Variants in ADAMTS8 observed in about 807,000 individuals in gnomAD.
ADAMTS8 encodes the protein ADAM metallopeptidase with thrombospondin type 1 motif 8, also known as A disintegrin and metalloproteinase with thrombospondin motifs 8.
A neutral mutation model predicts 64.4 loss-of-function variants in ADAMTS8; 50 were observed. The ratio of observed to expected loss-of-function variants is 0.78; its 90% CI spans 0.62 to 0.98. The LOEUF is 0.98. ADAMTS8 is among the 50% of genes least tolerant of loss of function. ADAMTS8 has a pLI of 0.00. For synonymous variants in ADAMTS8, 556 were observed against 533.6 expected (o/e 1.04, Z -0.58); for missense variants, 1,192 against 1,208.2 (o/e 0.99, Z 0.20).
At chr11:130,422,579 G>C (rs528866147) in intron 1 of ADAMTS8, among the ~76,000 whole-genome samples, 1 of 152,228 alleles carries the variant, frequency 6.6e-6, no homozygotes, top group South Asian at 2.1e-4. Context: ...TCTAGGGCCT[G>C]AGACTGAGCT....
At chr11:130,426,935 C>A (rs967229710) in intron 1 of ADAMTS8, among the ~76,000 whole-genome samples, 13 of 152,252 alleles carry the variant, frequency 8.5e-5, no homozygotes, top group Admixed American at 2.6e-4. Context: ...GCTGGCATTG[C>A]CAAGTTCTGC....
At chr11:130,423,769 C>T (rs898579126) in intron 1 of ADAMTS8, among the ~76,000 whole-genome samples, 39 of 152,346 alleles carry the variant, frequency 2.6e-4, no homozygotes, top group African/African-American at 9.1e-4. Context: ...GTGGGCACTG[C>T]CATGCTGCCC....
intron 1 of ADAMTS8, 93 bp downstream of exon 1, chr11:130,427,474 T>A: frequency 2.5e-6 from 2 of 811,468 alleles, no homozygotes; most frequent in Non-Finnish European, 3.4e-6. Flanking sequence ...TTTTTTTTTT[T>A]CTCAGAGGGA....
intron 2 of ADAMTS8, among the ~76,000 whole-genome samples, chr11:130,418,349 C>T (rs573041199): frequency 1.3e-5 from 2 of 150,704 alleles, no homozygotes; most frequent in African/African-American, 2.5e-5. Context: ...GGGCTGGCTG[C>T]ATCCTAGGGC....
rs1168168219 is a variant in ADAMTS8 at position 130,416,936 on chromosome 11, T to C, written c.1096+4A>G. ...GAAGTGGGCTTTGGCACAGCAAATC[T>C]TACCTAGTTCATGGGCCAGGGTGTG... On this transcript the variant is annotated splice_donor_region_variant and intron_variant, in intron 3 of 8. Coordinates refer to ENST00000257359, the MANE Select transcript of ADAMTS8 (RefSeq NM_007037.6). The surrounding 1 kb of genome is among the most constrained non-coding windows in gnomAD (Gnocchi z 4.8). 6.2e-7 allele frequency: 1 copy of C among 1,614,098 alleles called. No homozygotes were observed. Among genetic ancestry groups the C allele is most frequent in the African/African-American group, 1.3e-5 (1 of 75,064 alleles).
rs1334423902 is a variant in ADAMTS8, at chr11:130,419,255, A to T, written c.758T>A (p.Ile253Asn). The T allele has an allele frequency of 6.2e-7, 1 of 1,613,966 alleles. No individual in the cohort carries two copies. The highest frequency in any genetic ancestry group is 8.5e-7 in the Non-Finnish European group (1 of 1,180,026). ...ATTCTTGATGCTGGGGTGCTTGTAG[A>T]TTCGGGCTGCCACAGACATTAACGT... ...ILTLMSVAARIYKHPSIKNSI... is the reference protein window; with the variant it reads ...ILTLMSVAARNYKHPSIKNSI... Residue 253 changes from isoleucine to asparagine, a missense_variant, in exon 2 of 9, where the codon ATC (isoleucine) becomes AAC (asparagine). This residue lies in a region of ADAMTS8 where 741 missense variants were observed against 710.6 expected (regional missense o/e 1.04). Transcript: ENST00000257359.
chr11:130,406,543 C>T (rs1182592047), intron 8 of ADAMTS8, among the ~76,000 whole-genome samples: 1 of 152,118 alleles, frequency 6.6e-6, no homozygotes, highest in Non-Finnish European at 1.5e-5. Context: ...ACCCAGAGCT[C>T]AAACCCACAT....
At chr11:130,426,148 T>G (rs1862164055) in intron 1 of ADAMTS8, among the ~76,000 whole-genome samples, 1 of 152,224 alleles carries the variant, frequency 6.6e-6, no homozygotes, top group Non-Finnish European at 1.5e-5. Flanking sequence ...CACAAGGGCT[T>G]GCAGGGGTGC....
In ADAMTS8 at chr11:130,419,043, A is replaced by G; in HGVS notation, c.960+10T>C. The G allele has an allele frequency of 5.0e-6, 8 of 1,613,814 alleles. No homozygotes were observed. Among genetic ancestry groups the G allele is most frequent in the Non-Finnish European group, 6.8e-6 (8 of 1,179,906 alleles). On this transcript the variant is annotated intron_variant, in intron 2 of 8. Coordinates refer to ENST00000257359, the MANE Select transcript of ADAMTS8 (RefSeq NM_007037.6). ...CTTCCTCCCCAGGGCTTCCGGAGCC[A>G]GGCACGGACCTGTCTGGTGAGCAGG...
rs201797398 is a variant in ADAMTS8 at position 130,411,418 on chromosome 11, G to A, written c.1749C>T (p.Asp583=). 765 of 1,613,620 alleles carry A rather than the reference G, an allele frequency of 4.7e-4. 1 individual carries two copies. Among genetic ancestry groups the A allele is most frequent in the Middle Eastern group, 9.9e-4 (6 of 6,060 alleles). Residue 583 remains aspartate (D), a splice_region_variant and synonymous_variant, in exon 6 of 9, where the codon GAC becomes GAT. Transcript: ENST00000257359. The surrounding 1 kb of genome is among the most constrained non-coding windows in gnomAD (Gnocchi z 4.2). ...QSCHTEECPP[D]GKSFREQQCE... is the part of the protein sequence containing the mutation. ...GGGGCGGCCCTGAGTGGTAATTACC[G>A]TCAGGGGGGCATTCCTCCGTGTGGC...
At chr11:130,406,264 C>G in intron 8 of ADAMTS8, 136 bp from the exon 9 acceptor site, 1 of 1,073,010 alleles carries the variant, frequency 9.3e-7, no homozygotes, top group Non-Finnish European at 1.3e-6. Flanking sequence ...CAAGTTGCCT[C>G]AAAGTTCTCA....
Position 130,414,642 on chromosome 11 carries a change from C to T in ADAMTS8, c.1455G>A (p.Leu485=), listed in dbSNP as rs1385687057. ...GCAGGCTGCCATTCTTCGTGTGGCA[C>T]AGGGGCTCAGCCCCATCAGTGTGGC... ...LWCHTDGAEP[L]CHTKNGSLPW... Residue 485 remains leucine, a synonymous_variant, in exon 5 of 9, where the codon CTG becomes CTA. Transcript: ENST00000257359. The T allele has an allele frequency of 6.2e-7, 1 of 1,613,746 alleles. No individual in the cohort carries two copies. The highest frequency in any genetic ancestry group is 8.5e-7 in the Non-Finnish European group (1 of 1,180,040).
Position 130,405,532 on chromosome 11 carries a change from A to C in ADAMTS8, c.*26T>G. ...ACCTCAGTACCGCATGTCCAGGAGCACAAGACTGGCCCCTGCCCCCCTGAA... is the reference window on the plus strand; with the variant it reads ...ACCTCAGTACCGCATGTCCAGGAGCCCAAGACTGGCCCCTGCCCCCCTGAA... On this transcript the variant is annotated 3_prime_UTR_variant, in exon 9 of 9. Coordinates refer to ENST00000257359, the MANE Select transcript of ADAMTS8 (RefSeq NM_007037.6). 2 of 1,567,336 alleles carry C rather than the reference A, an allele frequency of 1.3e-6. No individual in the cohort carries two copies. Among genetic ancestry groups the C allele is most frequent in the East Asian group, 2.3e-5 (1 of 44,374 alleles).
In ADAMTS8 at chr11:130,416,787, G is replaced by A. The variant is rs114352422; in HGVS notation, c.1096+153C>T. Among the ~76,000 whole-genome samples, 198 of 152,280 alleles carry A rather than the reference G, an allele frequency of 1.3e-3. No individual in the cohort carries two copies. Among genetic ancestry groups the A allele is most frequent in the African/African-American group, 4.3e-3 (180 of 41,558 alleles). On this transcript the variant is annotated intron_variant, in intron 3 of 8. Transcript: ENST00000257359. The surrounding 1 kb of genome is among the most constrained non-coding windows in gnomAD (Gnocchi z 4.8). ...GGAGTTGTGTTCAGCACTGTCAAGCGCGGTATCTGTTTGTATACAGTCACC... is the reference window on the plus strand; with the variant it reads ...GGAGTTGTGTTCAGCACTGTCAAGCACGGTATCTGTTTGTATACAGTCACC...
rs893596102 is a variant in ADAMTS8, at chr11:130,416,664, C to T, written c.1096+276G>A. 3.3e-5 allele frequency among the ~76,000 whole-genome samples: 5 copies of T among 152,194 alleles called. No homozygotes were observed. In the East Asian group the frequency reaches 7.7e-4, roughly 23 times the overall value. On this transcript the variant is annotated intron_variant, in intron 3 of 8. Coordinates refer to ENST00000257359, the MANE Select transcript of ADAMTS8 (RefSeq NM_007037.6). The surrounding 1 kb of genome is among the most constrained non-coding windows in gnomAD (Gnocchi z 4.8). Reference sequence around the variant, plus strand: ...ACAGCTCCACGCCTCCACCCCAGCACGTGTCTGGTGTCCTGTGTCCTGGCA... The same window carrying T: ...ACAGCTCCACGCCTCCACCCCAGCATGTGTCTGGTGTCCTGTGTCCTGGCA...
chr11:130,423,484 G>A (rs1862125915), intron 1 of ADAMTS8, among the ~76,000 whole-genome samples: 1 of 152,146 alleles, frequency 6.6e-6, no homozygotes, highest in African/African-American at 2.4e-5. Context: ...GCCAGAACAG[G>A]CAGAAACTGG....
chr11:130,413,304 T>C (rs918448745), intron 5 of ADAMTS8, among the ~76,000 whole-genome samples: 1 of 152,204 alleles, frequency 6.6e-6, no homozygotes, highest in Non-Finnish European at 1.5e-5. Flanking sequence ...CTCCCCTCAA[T>C]AACATGTGAT....
At chr11:130,427,480 A>AGT in intron 1 of ADAMTS8, 87 bp downstream of exon 1, 1 of 334,680 alleles carries the variant, frequency 3.0e-6, no homozygotes, top group Non-Finnish European at 4.7e-6. Flanking sequence ...TTTTTCTCAG[A>AGT]GGGATTGGAA....
At chr11:130,419,344 C>T (rs761550534) in intron 1 of ADAMTS8, 52 bp from the exon 2 acceptor site, 1 of 1,608,672 alleles carries the variant, frequency 6.2e-7, no homozygotes, top group Non-Finnish European at 8.5e-7. Context: ...GTCTCAGGGC[C>T]CTTGGCCTGG....
Sources: allele counts gnomAD v4.1 joint callset (sites outside exome capture counted in the v4.1 genomes callset), GRCh38; gene constraint gnomAD v4.1.1; regional missense constraint gnomAD v4.1.1; non-coding constraint Gnocchi (gnomAD v3.1); transcripts MANE v1.5; gene names NCBI Gene and HGNC (gene_info 2026-07-23, HGNC 2026-07-21).